LYRM4: variants seen among roughly 807,000 people sequenced by gnomAD.
LYRM4 encodes LYR motif containing 4.
Under a neutral mutation model 11.7 loss-of-function variants are expected in LYRM4, and 9 were observed. The observed-to-expected ratio is 0.77, with a 90% CI of 0.46 to 1.34. LYRM4 has a LOEUF of 1.34. Ranked by LOEUF, LYRM4 falls within the 40% of genes most tolerant of loss-of-function variation. LYRM4 has a pLI of 0.00. For missense variants in LYRM4, 133 were observed against 112.5 expected (o/e 1.18, Z -0.82); for synonymous variants, 42 against 40.4 (o/e 1.04, Z -0.15).
chr6:5,075,941 A>ATTT, the LYRM4 span, among the ~76,000 whole-genome samples: 8 of 145,502 alleles, frequency 5.5e-5, no homozygotes, highest in African/African-American at 2.0e-4. Flanking sequence ...GGGTTTATGT[A>ATTT]TTTTTTTTTT....
the LYRM4 span, chr6:5,085,400 C>T: frequency 9.9e-7 from 1 of 1,011,596 alleles, no homozygotes; most frequent in Non-Finnish European, 1.4e-6. Context: ...AACTGCAGCC[C>T]TGCGCTCCTT....
intron 2 of LYRM4, among the ~76,000 whole-genome samples, chr6:5,144,928 G>A (rs1291543546): frequency 6.6e-6 from 1 of 152,220 alleles, no homozygotes; most frequent in Non-Finnish European, 1.5e-5. Flanking sequence ...GGAAGCAGGC[G>A]CAGGCCACAG....
chr6:5,179,929 G>A (rs1434219210), intron 2 of LYRM4, among the ~76,000 whole-genome samples: 1 of 152,154 alleles, frequency 6.6e-6, no homozygotes, highest in Non-Finnish European at 1.5e-5. Context: ...TTCTTACTGT[G>A]CCTAATCATA....
At chr6:5,205,345 C>A (rs1441883458) in intron 2 of LYRM4, among the ~76,000 whole-genome samples, 1 of 151,926 alleles carries the variant, frequency 6.6e-6, no homozygotes, top group Non-Finnish European at 1.5e-5. Context: ...GAAGGCCCAG[C>A]CCTCCGGCAT....
intron 1 of LYRM4, among the ~76,000 whole-genome samples, chr6:5,253,847 A>C (rs894668123): frequency 2.0e-5 from 3 of 147,126 alleles, no homozygotes; most frequent in Non-Finnish European, 4.5e-5. Context: ...AAAAAAAAAA[A>C]ACCATCGTTT....
At chr6:5,075,520 C>T in the LYRM4 span, among the ~76,000 whole-genome samples, 1 of 152,132 alleles carries the variant, frequency 6.6e-6, no homozygotes, top group Non-Finnish European at 1.5e-5. Context: ...ATCAGAGCTG[C>T]ACCAGAGGAC....
chr6:5,138,586 G>T, intron 2 of LYRM4: 6 of 370,926 alleles, frequency 1.6e-5, no homozygotes, highest in Admixed American at 5.8e-5. Context: ...TTTTTTTTAT[G>T]AATGATTTCC....
chr6:5,064,768 T>G, the LYRM4 span, among the ~76,000 whole-genome samples: 2 of 152,162 alleles, frequency 1.3e-5, no homozygotes. Flanking sequence ...GGTATTTCAA[T>G]TCATGTACAC....
At chr6:5,230,376 C>G (rs952600690) in intron 1 of LYRM4, among the ~76,000 whole-genome samples, 1 of 152,172 alleles carries the variant, frequency 6.6e-6, no homozygotes, top group African/African-American at 2.4e-5. Flanking sequence ...ACAGTATAGT[C>G]CCCATGTATA....
chr6:5,058,897 C>T, the LYRM4 span, among the ~76,000 whole-genome samples: 1 of 152,150 alleles, frequency 6.6e-6, no homozygotes, highest in Non-Finnish European at 1.5e-5. Context: ...TTATCATTAA[C>T]TGCTTTTAAT....
chr6:5,059,019 C>G, the LYRM4 span, among the ~76,000 whole-genome samples: 1 of 152,172 alleles, frequency 6.6e-6, no homozygotes, highest in Non-Finnish European at 1.5e-5. Context: ...GGTGACACTG[C>G]TACTGGCTTC....
chr6:5,149,741 T>C (rs919457231), intron 2 of LYRM4, among the ~76,000 whole-genome samples: 1 of 152,088 alleles, frequency 6.6e-6, no homozygotes, highest in Admixed American at 6.5e-5. Flanking sequence ...TGGACCAAAT[T>C]ATATATACAT....
intron 2 of LYRM4, among the ~76,000 whole-genome samples, chr6:5,190,147 T>A (rs1760667198): frequency 6.6e-6 from 1 of 152,222 alleles, no homozygotes; most frequent in South Asian, 2.1e-4. Context: ...AATAATAAAG[T>A]ATTATGCTAA....
intron 2 of LYRM4, among the ~76,000 whole-genome samples, chr6:5,120,422 C>T (rs537183165): frequency 2.2e-3 from 331 of 152,306 alleles, no homozygotes; most frequent in African/African-American, 5.9e-3. Flanking sequence ...GTCTCTCTGA[C>T]TTCAGGAATG....
the LYRM4 span, among the ~76,000 whole-genome samples, chr6:5,079,555 G>A: frequency 6.6e-6 from 1 of 152,186 alleles, no homozygotes; most frequent in Non-Finnish European, 1.5e-5. Context: ...AAACTTCATA[G>A]GAAGCGTCAC....
intron 2 of LYRM4, among the ~76,000 whole-genome samples, chr6:5,161,014 G>A (rs1393319036): frequency 6.6e-6 from 1 of 152,138 alleles, no homozygotes; most frequent in Admixed American, 6.5e-5. Flanking sequence ...GACAAATTAA[G>A]AATATGGTCT....
intron 1 of LYRM4, among the ~76,000 whole-genome samples, chr6:5,252,763 CCTGA>C (rs1764493734): frequency 2.0e-5 from 3 of 152,254 alleles, no homozygotes; most frequent in Admixed American, 2.0e-4. Flanking sequence ...CCTTCTTCTT[CCTGA>C]CTAAATAAGG....
chr6:5,091,965 C>G, the LYRM4 span, among the ~76,000 whole-genome samples: 1 of 152,172 alleles, frequency 6.6e-6, no homozygotes, highest in African/African-American at 2.4e-5. Context: ...TTCTTTGAAA[C>G]TTGTTACCTG....
At chr6:5,157,807 C>T (rs751680796) in intron 2 of LYRM4, among the ~76,000 whole-genome samples, 1 of 152,190 alleles carries the variant, frequency 6.6e-6, no homozygotes, top group Non-Finnish European at 1.5e-5. Flanking sequence ...ATATATCTCT[C>T]AATTTTAACA....
Sources: allele counts gnomAD v4.1 joint callset (sites outside exome capture counted in the v4.1 genomes callset), GRCh38; gene constraint gnomAD v4.1.1; transcripts MANE v1.5; gene names NCBI Gene and HGNC (gene_info 2026-07-23, HGNC 2026-07-21).